Variants in SMYD2 observed in about 807,000 individuals in gnomAD.
SMYD2 encodes the protein SET and MYND domain containing 2.
Under a neutral mutation model 59.1 loss-of-function variants are expected in SMYD2, and 53 were observed. That is an observed-to-expected ratio of 0.90 (90% CI 0.72 to 1.13). The LOEUF (loss-of-function observed/expected upper bound fraction) is 1.13. Among genes scored for constraint, SMYD2 ranks in the 50% most tolerant of loss-of-function variants. The probability of loss-of-function intolerance (pLI) is 0.00; values close to 1 mark genes in which losing one functional copy is unlikely to be tolerated. For missense variants in SMYD2, 494 were observed against 544.7 expected, an observed-to-expected ratio of 0.91 and a Z score of 0.93; for synonymous variants, 208 against 198.8, an observed-to-expected ratio of 1.05 and a Z score of -0.39.
rs774764320 is a variant in SMYD2, at chr1:214,336,780, A to T, written c.1298A>T (p.His433Leu). ...GAGATCAAACAGGAAATTGAAAGCCACTGAAACTATGCAGCATTTCAGTTT... is the reference window on the plus strand; with the variant it reads ...GAGATCAAACAGGAAATTGAAAGCCTCTGAAACTATGCAGCATTTCAGTTT... The part of the protein sequence containing the change: ...ISEIKQEIES[H>L] The change falls in exon 12 of 12, where the codon CAC becomes CTC. Residue 433 changes from histidine to leucine, a missense_variant. Transcript: ENST00000366957. The T allele has an allele frequency of 6.2e-7, 1 of 1,613,124 alleles. No homozygotes were observed. The highest frequency in any genetic ancestry group is 8.5e-7 in the Non-Finnish European group (1 of 1,179,704).
chr1:214,301,989 G>A (rs6704032), intron 1 of SMYD2, among the ~76,000 whole-genome samples: 56,623 of 151,940 alleles, frequency 0.37, 11,260 homozygotes, highest in East Asian at 0.52. Context: ...TTACTGCGTC[G>A]TCAGGGACAT....
At chr1:214,287,058 A>G (rs1656560121) in intron 1 of SMYD2, among the ~76,000 whole-genome samples, 1 of 151,584 alleles carries the variant, frequency 6.6e-6, no homozygotes, top group Admixed American at 6.6e-5. Context: ...TGAACTCCTG[A>G]CCTCAGGTGA....
In SMYD2 at chr1:214,312,765, C is replaced by A. The variant is rs1657018151; in HGVS notation, c.238-1997C>A. Among the ~76,000 whole-genome samples, 1 of 152,160 alleles carries A rather than the reference C, an allele frequency of 6.6e-6. No homozygotes were observed. The highest frequency in any genetic ancestry group is 2.1e-4 in the South Asian group (1 of 4,824). On this transcript the variant is annotated intron_variant, in intron 2 of 11. Transcript: ENST00000366957. The surrounding 1 kb of genome is among the most constrained non-coding windows in gnomAD (Gnocchi z 4.1). ...GGGCTGGGGTGGTGCAGGGACGCTC[C>A]CATCACGTGTGGCCTCCTAGGTCAC...
intron 6 of SMYD2, among the ~76,000 whole-genome samples, chr1:214,326,751 G>A (rs1267250697): frequency 6.6e-6 from 1 of 152,100 alleles, no homozygotes; most frequent in African/African-American, 2.4e-5. Flanking sequence ...GCAGGAGAGG[G>A]GCTGTGGTCT....
At chr1:214,314,102 G>T (rs544093167) in intron 2 of SMYD2, among the ~76,000 whole-genome samples, 7 of 152,120 alleles carry the variant, frequency 4.6e-5, no homozygotes, top group African/African-American at 1.7e-4. Context: ...ACTTGAACCC[G>T]GGAGGCAGAG....
chr1:214,333,879 TC>T, intron 10 of SMYD2: 1 of 212,846 alleles, frequency 4.7e-6, no homozygotes. Context: ...CCCAGGGTCT[TC>T]CTCTGGGTAT....
intron 1 of SMYD2, among the ~76,000 whole-genome samples, chr1:214,293,242 T>TG (rs1006095706): frequency 8.6e-5 from 13 of 152,028 alleles, no homozygotes; most frequent in Admixed American, 6.6e-4. Context: ...TTCATAGAGA[T>TG]GGGGTTTCAC....
Position 214,334,255 on chromosome 1 carries a change from A to C in SMYD2, c.1168A>C (p.Arg390=). 2 of 1,614,010 alleles carry C rather than the reference A, an allele frequency of 1.2e-6. No individual in the cohort carries two copies. The highest frequency in any genetic ancestry group is 1.7e-6 in the Non-Finnish European group (2 of 1,180,018). ...NVASMWLKLG[R]LYMGLEHKAA... ...GGCCTCCATGTGGTTGAAGCTAGGG[A>C]GACTCTACATGGGCCTGGAACACAA... is the stretch of plus-strand genomic sequence containing the variant. The change falls in exon 11 of 12, where the codon AGA becomes CGA. Residue 390 remains arginine, a synonymous_variant. Transcript: ENST00000366957.
intron 5 of SMYD2, 33 bp from the exon 6 acceptor site, chr1:214,324,608 A>G: frequency 5.1e-6 from 8 of 1,571,672 alleles, no homozygotes; most frequent in Non-Finnish European, 6.9e-6. Flanking sequence ...GCTCCAGCTC[A>G]TTTTTTTCCT....
At chr1:214,287,983 A>T (rs1656577959) in intron 1 of SMYD2, among the ~76,000 whole-genome samples, 1 of 152,140 alleles carries the variant, frequency 6.6e-6, no homozygotes, top group Non-Finnish European at 1.5e-5. Context: ...ATATGCGGGG[A>T]ACATAATTTC....
intron 1 of SMYD2, among the ~76,000 whole-genome samples, 184 bp downstream of exon 1, chr1:214,281,611 G>A (rs1302432686): frequency 6.6e-6 from 1 of 152,116 alleles, no homozygotes; most frequent in African/African-American, 2.4e-5. Flanking sequence ...CACGCCAGGC[G>A]CCACGTGCGA....
intron 1 of SMYD2, among the ~76,000 whole-genome samples, chr1:214,292,119 A>G (rs998010288): frequency 2.1e-5 from 3 of 145,936 alleles, no homozygotes; most frequent in African/African-American, 7.6e-5. Context: ...AGAGAGAGAG[A>G]GAAGCCCACC....
chr1:214,337,099 T>C lies in SMYD2; in HGVS notation c.*315T>C, dbSNP rs1240130721. 1 of 216,588 alleles carries C rather than the reference T, an allele frequency of 4.6e-6. No homozygotes were observed. The highest frequency in any genetic ancestry group is 9.1e-6 in the Non-Finnish European group (1 of 110,408). 13.4% of individuals were successfully genotyped at this position (216,588 alleles called of 1,614,324 possible). On this transcript the variant is annotated 3_prime_UTR_variant, in exon 12 of 12. Coordinates refer to ENST00000366957, the MANE Select transcript of SMYD2 (RefSeq NM_020197.3). ...GCCTCTTGTAATGTTCTGAACAAACTTGAATGATGAAAGTATTAAAGAGAT... is the reference window on the plus strand; with the variant it reads ...GCCTCTTGTAATGTTCTGAACAAACCTGAATGATGAAAGTATTAAAGAGAT...
chr1:214,290,449 A>G (rs1246204267), intron 1 of SMYD2, among the ~76,000 whole-genome samples: 1 of 152,242 alleles, frequency 6.6e-6, no homozygotes, highest in South Asian at 2.1e-4. Flanking sequence ...GTTAGCTTTT[A>G]TAGAAAAAGT....
chr1:214,304,581 A>AAAAAAAAC (rs1656886803), intron 1 of SMYD2, among the ~76,000 whole-genome samples: 1 of 151,394 alleles, frequency 6.6e-6, no homozygotes, highest in African/African-American at 2.4e-5. Context: ...AAAAAAAAAA[A>AAAAAAAAC]AGCATCTATC....
chr1:214,319,157 C>G (rs1253058067), intron 5 of SMYD2, among the ~76,000 whole-genome samples, 174 bp downstream of exon 5: 1 of 152,124 alleles, frequency 6.6e-6, no homozygotes, highest in Non-Finnish European at 1.5e-5. Context: ...TGACCTTGAG[C>G]AGATCAAGGT....
intron 8 of SMYD2, among the ~76,000 whole-genome samples, chr1:214,330,521 T>C (rs1657335764): frequency 6.6e-6 from 1 of 152,212 alleles, no homozygotes; most frequent in Non-Finnish European, 1.5e-5. Context: ...AACTGCTCTT[T>C]CTTGAAAAGA....
chr1:214,282,575 C>A (rs1271148242), intron 1 of SMYD2, among the ~76,000 whole-genome samples: 5 of 152,128 alleles, frequency 3.3e-5, no homozygotes, highest in Non-Finnish European at 5.9e-5. Context: ...GAGTACAGGT[C>A]TCAAGTCCAG....
rs1656613392 is a variant in SMYD2 at position 214,290,137 on chromosome 1, A to G, written c.173+8710A>G. On this transcript the variant is annotated intron_variant, in intron 1 of 11. Coordinates refer to ENST00000366957, the MANE Select transcript of SMYD2 (RefSeq NM_020197.3). ...ATTGCAAAGGCGTTCACACCAACAC[A>G]ATAGAACAGAAGGAAATCAGATCTC... is the stretch of plus-strand genomic sequence containing the variant. 2.0e-5 allele frequency among the ~76,000 whole-genome samples: 3 copies of G among 152,194 alleles called. No individual in the cohort carries two copies. The South Asian group carries it at 6.2e-4, about 32-fold the overall frequency.
Sources: allele counts gnomAD v4.1 joint callset (sites outside exome capture counted in the v4.1 genomes callset), GRCh38; gene constraint gnomAD v4.1.1; non-coding constraint Gnocchi (gnomAD v3.1); transcripts MANE v1.5; gene names NCBI Gene and HGNC (gene_info 2026-07-23, HGNC 2026-07-21).